COBL: variants seen among roughly 807,000 people sequenced by gnomAD.
COBL encodes cordon-bleu WH2 repeat protein.
Under a neutral mutation model 98.8 loss-of-function variants are expected in COBL, and 51 were observed. The ratio of observed to expected loss-of-function variants is 0.52; its 90% CI spans 0.41 to 0.65. COBL has a LOEUF of 0.65. COBL is among the 30% of genes least tolerant of loss of function. COBL has a pLI of 0.00. For synonymous variants in COBL, 634 were observed against 651.7 expected (o/e 0.97, Z 0.41); for missense variants, 1,617 against 1,617.5 (o/e 1.00, Z 0.01).
intron 8 of COBL, among the ~76,000 whole-genome samples, chr7:51,039,191 C>T (rs1397809740): frequency 6.6e-6 from 1 of 152,228 alleles, no homozygotes; most frequent in Non-Finnish European, 1.5e-5. Context: ...CTCACACTGC[C>T]TGTCAGAAAA....
intron 7 of COBL, among the ~76,000 whole-genome samples, chr7:51,055,475 G>A (rs59732183): frequency 2.2e-3 from 334 of 152,336 alleles, no homozygotes; most frequent in African/African-American, 7.6e-3. Flanking sequence ...TATCACAGGC[G>A]CTGGGCCTAG....
At chr7:51,130,307 A>G (rs1583894998) in intron 6 of COBL, among the ~76,000 whole-genome samples, 1 of 152,190 alleles carries the variant, frequency 6.6e-6, no homozygotes, top group Non-Finnish European at 1.5e-5. Context: ...CATGAGACAC[A>G]CCCGGCAAAG....
intron 1 of COBL, among the ~76,000 whole-genome samples, chr7:51,257,768 T>C (rs568693403): frequency 1.3e-4 from 20 of 152,286 alleles, no homozygotes; most frequent in Non-Finnish European, 2.8e-4. Flanking sequence ...AAAGAATTTG[T>C]ACACTAGAGC....
chr7:51,272,910 CCTCT>C (rs1055108428), intron 1 of COBL, among the ~76,000 whole-genome samples: 2 of 152,054 alleles, frequency 1.3e-5, no homozygotes, highest in Admixed American at 6.5e-5. Context: ...CATTTCTCCC[CCTCT>C]CTATGTCTGC....
At chr7:51,314,988 G>C (rs1803399302) in intron 1 of COBL, among the ~76,000 whole-genome samples, 1 of 152,146 alleles carries the variant, frequency 6.6e-6, no homozygotes, top group South Asian at 2.1e-4. Flanking sequence ...GGATCTTACA[G>C]ATACTCTTTG....
intron 2 of COBL, among the ~76,000 whole-genome samples, chr7:51,209,479 T>C (rs1014020592): frequency 6.6e-6 from 1 of 152,196 alleles, no homozygotes; most frequent in African/African-American, 2.4e-5. Context: ...CCATGAGTTC[T>C]GATTCTTTCA....
intron 12 of COBL, among the ~76,000 whole-genome samples, chr7:51,023,660 A>C (rs137948418): frequency 0.021 from 3,261 of 152,330 alleles, 60 homozygotes; most frequent in Admixed American, 0.057. Flanking sequence ...TTTCACAGCA[A>C]GGCTGCCGGC....
intron 1 of COBL, among the ~76,000 whole-genome samples, chr7:51,264,140 G>A (rs144089043): frequency 9.8e-4 from 149 of 152,224 alleles, no homozygotes; most frequent in African/African-American, 3.3e-3. Flanking sequence ...AGTTCCAATC[G>A]CAGCCCCCAA....
At chr7:51,294,674 TTAATTC>T (rs1241504766) in intron 1 of COBL, among the ~76,000 whole-genome samples, 2 of 151,622 alleles carry the variant, frequency 1.3e-5, no homozygotes, top group East Asian at 3.9e-4. Flanking sequence ...CATTTTGGTC[TTAATTC>T]TAAGTAAAGG....
At chr7:51,188,332 T>C (rs779937655) in intron 4 of COBL, among the ~76,000 whole-genome samples, 11 of 152,260 alleles carry the variant, frequency 7.2e-5, no homozygotes, top group South Asian at 2.1e-4. Flanking sequence ...ACCAAGAGGA[T>C]TGAAAGTAAG....
At chr7:51,149,218 C>T (rs1030221590) in intron 5 of COBL, among the ~76,000 whole-genome samples, 6 of 152,130 alleles carry the variant, frequency 3.9e-5, no homozygotes, top group Non-Finnish European at 7.4e-5. Context: ...TGATGCTTGC[C>T]GGAGGGCTGC....
At chr7:51,084,338 T>C (rs1436636471) in intron 7 of COBL, among the ~76,000 whole-genome samples, 1 of 152,132 alleles carries the variant, frequency 6.6e-6, no homozygotes, top group Non-Finnish European at 1.5e-5. Flanking sequence ...GTGAGTGGCC[T>C]GTGAGTGCTG....
chr7:51,020,443 C>T (rs1051569702), intron 12 of COBL, among the ~76,000 whole-genome samples: 1 of 152,170 alleles, frequency 6.6e-6, no homozygotes, highest in Non-Finnish European at 1.5e-5. Flanking sequence ...CAAGCAGCTC[C>T]GACAGTGCCC....
intron 11 of COBL, 41 bp downstream of exon 11, chr7:51,026,505 G>A: frequency 6.2e-7 from 1 of 1,606,316 alleles, no homozygotes; most frequent in Non-Finnish European, 8.5e-7. Context: ...GGGTGGGTGG[G>A]TTTGAGCTCC....
rs1790533315 is a variant in COBL, at chr7:51,054,464, A to G, written c.1097-10772T>C. Among the ~76,000 whole-genome samples the G allele has an allele frequency of 2.0e-5, 3 of 151,840 alleles. No homozygotes were observed. The South Asian group carries it at 6.2e-4, about 32-fold the overall frequency. On this transcript the variant is annotated intron_variant, in intron 7 of 12. Transcript: ENST00000265136. ...GTATGTGTGCTGGGCTTGTTGGGAG[A>G]TGGCCATGTTTCAGGTGAACTGAAG...
intron 1 of COBL, among the ~76,000 whole-genome samples, chr7:51,313,862 T>C (rs755831669): frequency 3.3e-5 from 5 of 152,144 alleles, no homozygotes; most frequent in Non-Finnish European, 5.9e-5. Flanking sequence ...GTGTTCTGAG[T>C]ATTCTGTCAA....
intron 7 of COBL, among the ~76,000 whole-genome samples, chr7:51,075,116 G>C (rs1792940541): frequency 6.6e-6 from 1 of 152,136 alleles, no homozygotes; most frequent in Admixed American, 6.5e-5. Context: ...GAATGACTTG[G>C]CTGAATTGAT....
chr7:51,038,946 G>A (rs2128882916), intron 8 of COBL, among the ~76,000 whole-genome samples: 1 of 152,326 alleles, frequency 6.6e-6, no homozygotes, highest in Non-Finnish European at 1.5e-5. Flanking sequence ...ACAAACACGG[G>A]TTCTGGGAGC....
intron 5 of COBL, among the ~76,000 whole-genome samples, chr7:51,140,874 C>CT (rs1294997295): frequency 6.6e-6 from 1 of 152,200 alleles, no homozygotes; most frequent in African/African-American, 2.4e-5. Flanking sequence ...AGAAGCTGAG[C>CT]ATGTTCAACG....
Sources: gnomAD v4.1 joint callset for allele counts (sites outside exome capture counted in the v4.1 genomes callset) on GRCh38, gnomAD v4.1.1 for gene constraint, MANE v1.5 for transcripts, NCBI Gene and HGNC (gene_info 2026-07-23, HGNC 2026-07-21) for gene names.